Variants in ZFHX3 observed in about 807,000 individuals in gnomAD.
ZFHX3 encodes zinc finger homeobox 3, also known as zinc finger homeobox protein 3.
In ZFHX3, 42 loss-of-function variants were observed where a neutral mutation model predicts 279.1. The ratio of observed to expected loss-of-function variants is 0.15; its 90% CI spans 0.12 to 0.19. ZFHX3 has a LOEUF of 0.19. ZFHX3 is among the 10% of genes least tolerant of loss of function. The pLI, the probability that ZFHX3 is intolerant of heterozygous loss-of-function variation, is 1.00. For synonymous variants in ZFHX3, 2,293 were observed against 1,957.8 expected, an observed-to-expected ratio of 1.17 and a Z score of -4.52; for missense variants, 4,981 against 4,754.0, an observed-to-expected ratio of 1.05 and a Z score of -1.40.
intron 3 of ZFHX3, among the ~76,000 whole-genome samples, chr16:72,908,954 C>A (rs1195336892): frequency 6.6e-6 from 1 of 152,204 alleles, no homozygotes; most frequent in African/African-American, 2.4e-5. Context: ...CACTGTCCTT[C>A]CCATAGAAAC....
intron 2 of ZFHX3, among the ~76,000 whole-genome samples, chr16:73,598,650 G>A (rs968440138): frequency 2.6e-5 from 4 of 151,718 alleles, no homozygotes; most frequent in Non-Finnish European, 4.4e-5. Flanking sequence ...AAACTCCTGA[G>A]CTCAAGCAAT....
chr16:73,374,262 A>G (rs923237243), intron 3 of ZFHX3, among the ~76,000 whole-genome samples: 1 of 152,234 alleles, frequency 6.6e-6, no homozygotes, highest in Non-Finnish European at 1.5e-5. Context: ...GAAATTATAT[A>G]AATTATGACT....
intron 1 of ZFHX3, among the ~76,000 whole-genome samples, chr16:73,707,050 CA>C (rs1368502025): frequency 1.8e-4 from 28 of 152,296 alleles, no homozygotes; most frequent in Middle Eastern, 6.8e-3. Context: ...GCTAATTGAG[CA>C]GCCAGTATAC....
intron 1 of ZFHX3, among the ~76,000 whole-genome samples, chr16:73,693,909 C>A (rs527324073): frequency 3.3e-5 from 5 of 152,058 alleles, no homozygotes; most frequent in Admixed American, 1.3e-4. Context: ...TATTCAAGAA[C>A]TAGTACCAAA....
intron 3 of ZFHX3, among the ~76,000 whole-genome samples, chr16:73,433,336 G>C (rs896392246): frequency 1.3e-5 from 2 of 152,188 alleles, no homozygotes; most frequent in African/African-American, 4.8e-5. Context: ...GAGGGCTGCT[G>C]TGGGGTATAT....
At position 73,729,478 on chromosome 16, in the gene ZFHX3, G is replaced by A. The variant is rs147910001; in HGVS notation, c.-1607-49238C>T. On this transcript the variant is annotated intron_variant, in intron 1 of 17. Coordinates refer to the ZFHX3 transcript ENST00000641206. Reference sequence around the variant, plus strand: ...TGGGCGGCAGAGGCTGTAGTGAGCCGAGATTGCACCACTATACTCCAGCCT... The same window carrying A: ...TGGGCGGCAGAGGCTGTAGTGAGCCAAGATTGCACCACTATACTCCAGCCT... 2.5e-3 allele frequency among the ~76,000 whole-genome samples: 379 copies of A among 151,842 alleles called. 2 individuals carry two copies. Among genetic ancestry groups the A allele is most frequent in the African/African-American group, 8.6e-3 (353 of 41,268 alleles).
At chr16:72,836,015 C>A (rs2037183972) in intron 4 of ZFHX3, among the ~76,000 whole-genome samples, 1 of 152,200 alleles carries the variant, frequency 6.6e-6, no homozygotes, top group Admixed American at 6.5e-5. Flanking sequence ...CAAATAAAAT[C>A]CAGTGCGTTA....
chr16:73,262,680 G>T (rs112732154), intron 4 of ZFHX3, among the ~76,000 whole-genome samples: 57 of 152,262 alleles, frequency 3.7e-4, no homozygotes, highest in African/African-American at 1.3e-3. Flanking sequence ...CAAATTCCTT[G>T]CAGCTCCTCT....
chr16:73,415,818 A>G lies in ZFHX3; in HGVS notation c.-1291+40185T>C, dbSNP rs1461278195. ...GAGCTGGAAGGGGCTTAGAGATGGCATTTTCAGAAGAGAAAATGGGGCTGG... is the reference window on the plus strand; with the variant it reads ...GAGCTGGAAGGGGCTTAGAGATGGCGTTTTCAGAAGAGAAAATGGGGCTGG... On this transcript the variant is annotated intron_variant, in intron 3 of 17. Transcript: ENST00000641206. 1.3e-5 allele frequency among the ~76,000 whole-genome samples: 2 copies of G among 152,108 alleles called. 1 individual carries two copies. Among genetic ancestry groups the G allele is most frequent in the Admixed American group, 1.3e-4 (2 of 15,266 alleles).
intron 3 of ZFHX3, among the ~76,000 whole-genome samples, chr16:73,327,637 C>G (rs1162368131): frequency 6.6e-6 from 1 of 152,198 alleles, no homozygotes; most frequent in African/African-American, 2.4e-5. Flanking sequence ...AAGACAATGA[C>G]AAGATTCAGC....
intron 1 of ZFHX3, among the ~76,000 whole-genome samples, chr16:72,970,217 T>A (rs1312799820): frequency 6.6e-6 from 1 of 152,078 alleles, no homozygotes; most frequent in Admixed American, 6.6e-5. Context: ...AAGATTTTTT[T>A]TTTTTTTACT....
At chr16:72,847,779 C>T (rs2037515948) in intron 4 of ZFHX3, among the ~76,000 whole-genome samples, 1 of 151,950 alleles carries the variant, frequency 6.6e-6, no homozygotes, top group Non-Finnish European at 1.5e-5. Flanking sequence ...TGGGCGAAGA[C>T]ATAAAAGCCC....
intron 1 of ZFHX3, among the ~76,000 whole-genome samples, chr16:73,849,129 C>T (rs368207394): frequency 3.5e-4 from 54 of 152,332 alleles, no homozygotes; most frequent in East Asian, 3.1e-3. Context: ...AAGACAATCA[C>T]CTTCCTTGCT....
rs1452631481 is a variant in ZFHX3, at chr16:73,461,422, T to G, written c.-1546-5164A>C. 2.0e-5 allele frequency among the ~76,000 whole-genome samples: 3 copies of G among 152,348 alleles called. No homozygotes were observed. The East Asian group carries it at 5.8e-4, about 29-fold the overall frequency. The stretch of plus-strand genomic sequence containing the variant: ...TTTAAATTTTTTGGAGTCTAAGTTA[T>G]CAGTTTTGCTTTTATGTGTCAAGTC... On this transcript the variant is annotated intron_variant, in intron 2 of 17. Transcript: ENST00000641206.
chr16:73,637,277 G>T (rs911950508), intron 2 of ZFHX3, among the ~76,000 whole-genome samples: 1 of 148,610 alleles, frequency 6.7e-6, no homozygotes, highest in South Asian at 2.1e-4. Flanking sequence ...TGTCGCCCAG[G>T]CTGCAGTACA....
At chr16:73,454,370 C>T (rs532879196) in intron 3 of ZFHX3, among the ~76,000 whole-genome samples, 5 of 152,138 alleles carry the variant, frequency 3.3e-5, no homozygotes, top group African/African-American at 7.2e-5. Flanking sequence ...GAAGTAGACT[C>T]GACAGACTTA....
In ZFHX3 at chr16:73,038,576, G is replaced by A. The variant is rs74030217; in HGVS notation, c.-50+9176C>T. Among the ~76,000 whole-genome samples the A allele has an allele frequency of 1.9e-3, 282 of 152,246 alleles. 1 individual carries two copies. Among genetic ancestry groups the A allele is most frequent in the African/African-American group, 6.6e-3 (273 of 41,526 alleles). Reference sequence around the variant, plus strand: ...GAGACCAGAACATCATGGTGAAATCGTGGGTTGCTGAAAATATCTGTTTTA... The same window carrying A: ...GAGACCAGAACATCATGGTGAAATCATGGGTTGCTGAAAATATCTGTTTTA... On this transcript the variant is annotated intron_variant, in intron 1 of 9. Transcript: ENST00000268489.
upstream of ZFHX3, among the ~76,000 whole-genome samples, chr16:73,052,567 C>CA (rs1459803768): frequency 6.6e-6 from 1 of 152,112 alleles, no homozygotes; most frequent in African/African-American, 2.4e-5. Flanking sequence ...ACATATCCTC[C>CA]AAGTCAGCCA....
intron 1 of ZFHX3, among the ~76,000 whole-genome samples, chr16:73,794,589 AC>A (rs199652558): frequency 1.3e-5 from 2 of 151,538 alleles, no homozygotes; most frequent in Non-Finnish European, 2.9e-5. Context: ...GGACATAGGG[AC>A]CCCCCCTTTG....
Sources: allele counts gnomAD v4.1 joint callset (sites outside exome capture counted in the v4.1 genomes callset), GRCh38; gene constraint gnomAD v4.1.1; transcripts MANE v1.5; gene names NCBI Gene and HGNC (gene_info 2026-07-23, HGNC 2026-07-21).